STK10: variants seen among roughly 807,000 people sequenced by gnomAD.
The protein encoded by STK10 is serine/threonine-protein kinase 10.
STK10 carries 78 observed loss-of-function variants against 113.8 expected under a neutral mutation model. The observed-to-expected ratio is 0.69, with a 90% CI of 0.57 to 0.83. STK10 has a LOEUF of 0.83. Ranked by LOEUF, STK10 falls within the 40% of genes least tolerant of loss-of-function variation. STK10 has a pLI of 0.00. For missense variants in STK10, 1,109 were observed against 1,280.1 expected (o/e 0.87, Z 2.04); for synonymous variants, 465 against 494.7 (o/e 0.94, Z 0.80).
chr5:172,128,150 C>G (rs1769665783), intron 2 of STK10, among the ~76,000 whole-genome samples: 1 of 147,934 alleles, frequency 6.8e-6, no homozygotes, highest in Non-Finnish European at 1.5e-5. Flanking sequence ...GTAGAAAGGT[C>G]CTTCCTGACC....
At chr5:172,158,541 C>T (rs1770400896) in intron 1 of STK10, among the ~76,000 whole-genome samples, 2 of 152,050 alleles carry the variant, frequency 1.3e-5, no homozygotes, top group African/African-American at 2.4e-5. Context: ...GCAGGAGAAT[C>T]ACTTGAACCC....
At chr5:172,117,720 G>GCCA in intron 3 of STK10, 90 bp from the exon 4 acceptor site, 1 of 1,552,728 alleles carries the variant, frequency 6.4e-7, no homozygotes, top group East Asian at 2.3e-5. Context: ...AAATATAAAA[G>GCCA]CCACCAACAT....
chr5:172,181,729 C>G (rs1456686422), intron 1 of STK10, among the ~76,000 whole-genome samples: 2 of 151,296 alleles, frequency 1.3e-5, no homozygotes, highest in Non-Finnish European at 2.9e-5. Context: ...GGTTATGCTC[C>G]CACCTCGGGA....
Position 172,132,573 on chromosome 5 carries a change from G to A in STK10, c.322-5152C>T, listed in dbSNP as rs192513713. ...CCCTGATCAAGTCCAAAGTGAAACCGCCCCAGTGCTAAAAGGACGGATTCC... is the reference window on the plus strand; with the variant it reads ...CCCTGATCAAGTCCAAAGTGAAACCACCCCAGTGCTAAAAGGACGGATTCC... On this transcript the variant is annotated intron_variant, in intron 2 of 18. Coordinates refer to ENST00000176763, the MANE Select transcript of STK10 (RefSeq NM_005990.4). 4.6e-5 allele frequency among the ~76,000 whole-genome samples: 7 copies of A among 152,188 alleles called. No homozygotes were observed. The East Asian group carries it at 9.6e-4, about 21-fold the overall frequency.
At chr5:172,099,719 C>T (rs547930486) in intron 7 of STK10, among the ~76,000 whole-genome samples, 41 of 152,242 alleles carry the variant, frequency 2.7e-4, no homozygotes, top group African/African-American at 7.5e-4. Context: ...CTCCACACTG[C>T]GCAATCTAAC....
At chr5:172,147,689 G>C (rs1479618796) in intron 2 of STK10, among the ~76,000 whole-genome samples, 2 of 152,162 alleles carry the variant, frequency 1.3e-5, no homozygotes, top group Non-Finnish European at 2.9e-5. Flanking sequence ...ACTGTGCCCA[G>C]CCTCAGACTT....
At chr5:172,182,694 C>T (rs1442418549) in intron 1 of STK10, among the ~76,000 whole-genome samples, 1 of 151,750 alleles carries the variant, frequency 6.6e-6, no homozygotes, top group Non-Finnish European at 1.5e-5. Flanking sequence ...GCTGGGATTA[C>T]AGGCGCCCAC....
intron 2 of STK10, among the ~76,000 whole-genome samples, chr5:172,148,037 T>C (rs564042501): frequency 3.3e-5 from 5 of 152,164 alleles, no homozygotes; most frequent in Non-Finnish European, 7.4e-5. Context: ...CCTGTCCTGC[T>C]AGTTAAGATG....
intron 2 of STK10, among the ~76,000 whole-genome samples, chr5:172,147,042 A>T (rs35128770): frequency 6.6e-6 from 1 of 152,134 alleles, no homozygotes; most frequent in African/African-American, 2.4e-5. Flanking sequence ...GTTCCCACGA[A>T]CCCTGCTTTG....
chr5:172,060,496 A>G (rs960898135), intron 14 of STK10, among the ~76,000 whole-genome samples: 1 of 152,210 alleles, frequency 6.6e-6, no homozygotes, highest in African/African-American at 2.4e-5. Flanking sequence ...TCTCCCTTCC[A>G]CTATGTGAGG....
At chr5:172,152,181 C>A (rs981057268) in intron 2 of STK10, among the ~76,000 whole-genome samples, 1 of 152,194 alleles carries the variant, frequency 6.6e-6, no homozygotes, top group African/African-American at 2.4e-5. Context: ...GCCTTCATAC[C>A]GTCTGTTTCT....
intron 1 of STK10, among the ~76,000 whole-genome samples, chr5:172,177,965 A>G (rs566839706): frequency 9.2e-5 from 14 of 152,292 alleles, no homozygotes; most frequent in African/African-American, 3.4e-4. Context: ...AGTAGCTGGG[A>G]CTACAGGCAT....
rs1473087319 is a variant in STK10 at position 172,187,318 on chromosome 5, A to G, written c.156+569T>C. On this transcript the variant is annotated intron_variant, in intron 1 of 18. Transcript: ENST00000176763. The surrounding 1 kb of genome is among the most constrained non-coding windows in gnomAD (Gnocchi z 4.6). ...CAGATCCTGACCTCCCCCTCTGACCAGCCCCAACCCACCTTTCCAAGCCCC... is the reference window on the plus strand; with the variant it reads ...CAGATCCTGACCTCCCCCTCTGACCGGCCCCAACCCACCTTTCCAAGCCCC... Among the ~76,000 whole-genome samples, 2 of 148,848 alleles carry G rather than the reference A, an allele frequency of 1.3e-5. No individual in the cohort carries two copies. The highest frequency in any genetic ancestry group is 3.0e-5 in the Non-Finnish European group (2 of 67,284).
At chr5:172,048,007 A>G (rs1250194183) in intron 18 of STK10, among the ~76,000 whole-genome samples, 4 of 142,732 alleles carry the variant, frequency 2.8e-5, no homozygotes, top group Non-Finnish European at 6.0e-5. Flanking sequence ...GGTTCAAGCC[A>G]TTCTCCTGCC....
At chr5:172,150,347 G>A (rs915015648) in intron 2 of STK10, among the ~76,000 whole-genome samples, 1 of 151,806 alleles carries the variant, frequency 6.6e-6, no homozygotes, top group Non-Finnish European at 1.5e-5. Context: ...CGGGTGTGGT[G>A]GTGCATGCCT....
chr5:172,147,396 C>CA (rs1353817598), intron 2 of STK10, among the ~76,000 whole-genome samples: 2 of 145,286 alleles, frequency 1.4e-5, no homozygotes, highest in Admixed American at 6.9e-5. Flanking sequence ...TTCTTTCTTT[C>CA]TTTTTTTTTT....
At chr5:172,121,065 C>A (rs1254733918) in intron 3 of STK10, among the ~76,000 whole-genome samples, 1 of 146,830 alleles carries the variant, frequency 6.8e-6, no homozygotes, top group Non-Finnish European at 1.5e-5. Flanking sequence ...GTCTTGCTCT[C>A]TTGCCCAGGC....
At chr5:172,110,330 A>G (rs1769212453) in intron 4 of STK10, among the ~76,000 whole-genome samples, 2 of 152,140 alleles carry the variant, frequency 1.3e-5, no homozygotes, top group South Asian at 4.1e-4. Context: ...TTCAGCATAC[A>G]CTAACTGCAC....
chr5:172,093,449 A>C lies in STK10; in HGVS notation c.1517T>G (p.Leu506Arg), dbSNP rs1768766275. ...AGAGCCCATCTCTTTGTTCAGCGAC[A>C]GGTCAGTGGAGAGATTGGTACCATA... ...MDYGTNLSTD[L>R]SLNKEMGSLS... Residue 506 changes from leucine (L) to arginine (R), a missense_variant, in exon 9 of 19, where the codon CTG becomes CGG. This residue lies in a region of STK10 where 885 missense variants were observed against 991.1 expected (regional missense o/e 0.89). Transcript: ENST00000176763. The surrounding 1 kb of genome is among the most constrained non-coding windows in gnomAD (Gnocchi z 4.1). 6.2e-7 allele frequency: 1 copy of C among 1,610,006 alleles called. No homozygotes were observed. Among genetic ancestry groups the C allele is most frequent in the Non-Finnish European group, 8.5e-7 (1 of 1,176,908 alleles).
Sources: gnomAD v4.1 joint callset for allele counts (sites outside exome capture counted in the v4.1 genomes callset) on GRCh38, gnomAD v4.1.1 for gene constraint, gnomAD v4.1.1 regional missense constraint, Gnocchi (gnomAD v3.1) non-coding constraint, MANE v1.5 for transcripts, NCBI Gene and HGNC (gene_info 2026-07-23, HGNC 2026-07-21) for gene names.